The following ROBO2 variants were observed in gnomAD, a reference collection of about 807,000 sequenced individuals.
ROBO2 encodes the protein roundabout homolog 2.
Under a neutral mutation model 160.8 loss-of-function variants are expected in ROBO2, and 53 were observed. That is an observed-to-expected ratio of 0.33 (90% CI 0.26 to 0.41). The LOEUF (loss-of-function observed/expected upper bound fraction) is 0.41, where lower values mean the gene tolerates loss of function less well. Ranked by LOEUF, ROBO2 falls within the 10% of genes least tolerant of loss-of-function variation. ROBO2 has a pLI of 1.00. For synonymous variants in ROBO2, 664 were observed against 611.7 expected (o/e 1.09, Z -1.26); for missense variants, 1,577 against 1,722.4 (o/e 0.92, Z 1.49).
chr3:76,639,248 ATATT>A (rs1163408786), intron 2 of ROBO2, among the ~76,000 whole-genome samples: 2 of 151,834 alleles, frequency 1.3e-5, no homozygotes, highest in East Asian at 1.9e-4. Flanking sequence ...GTGCATATGT[ATATT>A]TATATGTATG....
intron 2 of ROBO2, among the ~76,000 whole-genome samples, chr3:77,203,369 T>G (rs1415738637): frequency 6.6e-6 from 1 of 152,192 alleles, no homozygotes; most frequent in African/African-American, 2.4e-5. Context: ...TACGGCATAT[T>G]GAGAATTTGC....
At chr3:77,147,512 T>C (rs2077212660) in intron 2 of ROBO2, among the ~76,000 whole-genome samples, 1 of 152,192 alleles carries the variant, frequency 6.6e-6, no homozygotes, top group South Asian at 2.1e-4. Context: ...ACTTTTAAAG[T>C]AAAACCAAAA....
chr3:75,922,821 T>A (rs1369995854), intron 1 of ROBO2, among the ~76,000 whole-genome samples: 2 of 152,344 alleles, frequency 1.3e-5, no homozygotes, highest in Admixed American at 1.3e-4. Context: ...AAATAGGTAT[T>A]CGTATTGAGG....
At chr3:76,318,565 A>T (rs1298021453) in intron 2 of ROBO2, among the ~76,000 whole-genome samples, 1 of 152,144 alleles carries the variant, frequency 6.6e-6, no homozygotes, top group African/African-American at 2.4e-5. Context: ...AGATAAATTG[A>T]CAGTAATAAA....
At chr3:76,135,364 A>G (rs2071391575) in intron 2 of ROBO2, among the ~76,000 whole-genome samples, 1 of 152,124 alleles carries the variant, frequency 6.6e-6, no homozygotes. Flanking sequence ...TAACTTATCC[A>G]AGGCCACTAT....
At chr3:76,064,641 A>C (rs1378746575) in intron 2 of ROBO2, among the ~76,000 whole-genome samples, 3 of 152,168 alleles carry the variant, frequency 2.0e-5, no homozygotes, top group Non-Finnish European at 4.4e-5. Context: ...ATATAGGTAC[A>C]TCTGAATCAG....
At chr3:76,496,317 C>T (rs17737865) in intron 2 of ROBO2, among the ~76,000 whole-genome samples, 12,745 of 152,234 alleles carry the variant, frequency 0.084, 679 homozygotes, top group Middle Eastern at 0.12. Context: ...AAGAGAATGA[C>T]CGTAATTAAT....
chr3:76,730,092 C>T (rs1337158538), intron 2 of ROBO2, among the ~76,000 whole-genome samples: 2 of 152,080 alleles, frequency 1.3e-5, no homozygotes, highest in Non-Finnish European at 2.9e-5. Context: ...CCTTTCTGAT[C>T]ATTCCCACGT....
At chr3:75,921,061 G>A (rs1355432316) in intron 1 of ROBO2, among the ~76,000 whole-genome samples, 1 of 152,086 alleles carries the variant, frequency 6.6e-6, no homozygotes, top group Non-Finnish European at 1.5e-5. Flanking sequence ...GTGTGAATTT[G>A]ATCCTGTGAT....
intron 2 of ROBO2, among the ~76,000 whole-genome samples, chr3:76,387,797 A>G (rs894070799): frequency 6.6e-6 from 1 of 152,210 alleles, no homozygotes; most frequent in African/African-American, 2.4e-5. Flanking sequence ...GAGATGACAA[A>G]TGAACATCAT....
intron 2 of ROBO2, among the ~76,000 whole-genome samples, chr3:76,838,781 G>A (rs1465387315): frequency 1.3e-5 from 2 of 151,892 alleles, no homozygotes; most frequent in Non-Finnish European, 2.9e-5. Flanking sequence ...TCTACCCTTG[G>A]TGAATACTGA....
intron 2 of ROBO2, among the ~76,000 whole-genome samples, chr3:75,974,879 A>G (rs1021706884): frequency 9.2e-5 from 14 of 151,516 alleles, no homozygotes; most frequent in African/African-American, 3.4e-4. Context: ...TGTTGATCCC[A>G]TGTAGAACAT....
At chr3:76,073,452 C>A (rs866609725) in intron 2 of ROBO2, among the ~76,000 whole-genome samples, 1 of 151,246 alleles carries the variant, frequency 6.6e-6, no homozygotes, top group African/African-American at 2.4e-5. Context: ...CCCCCACGCC[C>A]GGCTAATTTT....
chr3:76,444,996 T>A (rs548122942), intron 2 of ROBO2, among the ~76,000 whole-genome samples: 1 of 152,264 alleles, frequency 6.6e-6, no homozygotes, highest in South Asian at 2.1e-4. Flanking sequence ...TTTGGAAATA[T>A]GAAACATGCA....
chr3:77,293,119 A>G (rs951379700), intron 2 of ROBO2, among the ~76,000 whole-genome samples: 4 of 151,314 alleles, frequency 2.6e-5, no homozygotes, highest in Non-Finnish European at 5.9e-5. Context: ...AGCTGAGGCT[A>G]GATCACCCCA....
At chr3:76,046,798 C>T (rs1253213981) in intron 2 of ROBO2, among the ~76,000 whole-genome samples, 1 of 152,010 alleles carries the variant, frequency 6.6e-6, no homozygotes, top group Non-Finnish European at 1.5e-5. Flanking sequence ...GTGTTTCTCC[C>T]AAATAACTAG....
intron 6 of ROBO2, among the ~76,000 whole-genome samples, chr3:77,544,194 T>C (rs1388379739): frequency 6.6e-6 from 1 of 152,008 alleles, no homozygotes; most frequent in Non-Finnish European, 1.5e-5. Context: ...AAGAGTTTTC[T>C]CTAAAATAAT....
intron 8 of ROBO2, among the ~76,000 whole-genome samples, chr3:77,557,068 T>A (rs1398683534): frequency 1.3e-5 from 2 of 151,888 alleles, no homozygotes; most frequent in Non-Finnish European, 2.9e-5. Flanking sequence ...CCTTCTTAAA[T>A]AATCATTAAA....
intron 2 of ROBO2, among the ~76,000 whole-genome samples, chr3:76,980,416 G>A (rs1228817402): frequency 1.3e-5 from 2 of 152,092 alleles, no homozygotes; most frequent in South Asian, 2.1e-4. Flanking sequence ...GAGGATGAAC[G>A]GTTCCATCTT....
Sources: allele counts gnomAD v4.1 joint callset (sites outside exome capture counted in the v4.1 genomes callset), GRCh38; gene constraint gnomAD v4.1.1; transcripts MANE v1.5; gene names NCBI Gene and HGNC (gene_info 2026-07-23, HGNC 2026-07-21).